Variants in PDCD1LG2 observed in about 807,000 individuals in gnomAD.
The protein encoded by PDCD1LG2 is programmed cell death 1 ligand 2, also known as B7 dendritic cell molecule.
A neutral mutation model predicts 28.2 loss-of-function variants in PDCD1LG2; 32 were observed. The ratio of observed to expected loss-of-function variants is 1.13; its 90% CI spans 0.86 to 1.52. The LOEUF (loss-of-function observed/expected upper bound fraction) is 1.52, where lower values mean the gene tolerates loss of function less well. Among genes scored for constraint, PDCD1LG2 ranks in the 40% most tolerant of loss-of-function variants. The pLI is 0.00. For synonymous variants in PDCD1LG2, 116 were observed against 120.2 expected (o/e 0.97, Z 0.23); for missense variants, 385 against 323.8 (o/e 1.19, Z -1.45).
intron 2 of PDCD1LG2, among the ~76,000 whole-genome samples, chr9:5,522,910 G>A (rs751824450): frequency 1.3e-5 from 2 of 152,150 alleles, no homozygotes. Flanking sequence ...GAGGGCAGGG[G>A]TTGAGTTCCC....
intron 4 of PDCD1LG2, among the ~76,000 whole-genome samples, chr9:5,551,324 G>A (rs1446647745): frequency 3.9e-5 from 6 of 152,182 alleles, no homozygotes; most frequent in Non-Finnish European, 7.3e-5. Context: ...TGTCTTAGCT[G>A]GTAAGACAGA....
chr9:5,530,218 G>C (rs951674946), intron 2 of PDCD1LG2, among the ~76,000 whole-genome samples: 26 of 152,252 alleles, frequency 1.7e-4, no homozygotes, highest in African/African-American at 6.0e-4. Context: ...CATCAAGCTA[G>C]GTGTTCTAAT....
At position 5,558,934 on chromosome 9, in the gene PDCD1LG2, C is replaced by T. The variant is rs1469019120; in HGVS notation, c.766+1182C>T. On this transcript the variant is annotated intron_variant, in intron 5 of 6. Coordinates refer to ENST00000397747, the MANE Select transcript of PDCD1LG2 (RefSeq NM_025239.4). ...GGAGGAGGTATGTCCAACAGAACTT[C>T]GACTTTTAAATAGAACCACTTCAGA... Among the ~76,000 whole-genome samples, 5 of 152,318 alleles carry T rather than the reference C, an allele frequency of 3.3e-5. No homozygotes were observed. The South Asian group carries it at 8.3e-4, about 25-fold the overall frequency.
At chr9:5,552,710 A>G (rs769532553) in intron 4 of PDCD1LG2, among the ~76,000 whole-genome samples, 85 of 152,180 alleles carry the variant, frequency 5.6e-4, no homozygotes, top group Admixed American at 1.4e-3. Flanking sequence ...AGAACTTTGC[A>G]GTGACTAAAT....
chr9:5,530,738 G>A (rs571289186), intron 2 of PDCD1LG2, among the ~76,000 whole-genome samples: 1 of 152,226 alleles, frequency 6.6e-6, no homozygotes, highest in Non-Finnish European at 1.5e-5. Flanking sequence ...TGATGGGCTA[G>A]CCCAGTGTCT....
chr9:5,568,429 T>C (rs935182311), intron 6 of PDCD1LG2, among the ~76,000 whole-genome samples: 3 of 152,148 alleles, frequency 2.0e-5, no homozygotes, highest in African/African-American at 7.2e-5. Context: ...GGTTGTGTGC[T>C]CCTTATGAAA....
At chr9:5,536,087 A>G (rs776510615) in intron 3 of PDCD1LG2, among the ~76,000 whole-genome samples, 2 of 152,192 alleles carry the variant, frequency 1.3e-5, no homozygotes, top group African/African-American at 2.4e-5. Context: ...CTTGGCAGAA[A>G]GTGTGTGACT....
intron 3 of PDCD1LG2, among the ~76,000 whole-genome samples, chr9:5,543,327 C>G (rs547484493): frequency 1.6e-4 from 24 of 152,182 alleles, no homozygotes; most frequent in African/African-American, 5.8e-4. Flanking sequence ...ATCACGAGGT[C>G]AGGAGATCAA....
chr9:5,548,742 C>G (rs1816261640), intron 3 of PDCD1LG2, among the ~76,000 whole-genome samples: 1 of 152,062 alleles, frequency 6.6e-6, no homozygotes. Context: ...AATAAATATA[C>G]CCAACTCTTT....
chr9:5,523,808 A>G (rs575431104), intron 2 of PDCD1LG2, among the ~76,000 whole-genome samples: 1 of 152,250 alleles, frequency 6.6e-6, no homozygotes, highest in African/African-American at 2.4e-5. Flanking sequence ...TCAGGAGAAA[A>G]CTTGGGGAAT....
intron 3 of PDCD1LG2, among the ~76,000 whole-genome samples, chr9:5,543,616 A>G (rs79370121): frequency 1.3e-5 from 2 of 151,946 alleles, no homozygotes; most frequent in Non-Finnish European, 2.9e-5. Context: ...ACAATCAAAG[A>G]GAAGCAAGGC....
At chr9:5,563,251 T>A in intron 6 of PDCD1LG2, 40 bp downstream of exon 6, 1 of 1,539,404 alleles carries the variant, frequency 6.5e-7, no homozygotes, top group African/African-American at 1.4e-5. Context: ...CTTACTTTCT[T>A]TTCTCTCTCA....
chr9:5,536,078 T>C (rs1820574937), intron 3 of PDCD1LG2, among the ~76,000 whole-genome samples: 1 of 152,160 alleles, frequency 6.6e-6, no homozygotes, highest in Non-Finnish European at 1.5e-5. Flanking sequence ...ACCATTAACC[T>C]TGGCAGAAAG....
chr9:5,536,782 A>G (rs1036908523), intron 3 of PDCD1LG2, among the ~76,000 whole-genome samples: 1 of 152,188 alleles, frequency 6.6e-6, no homozygotes, highest in African/African-American at 2.4e-5. Context: ...AAGACTTTTC[A>G]AGGGATGTAT....
intron 6 of PDCD1LG2, among the ~76,000 whole-genome samples, chr9:5,565,253 G>GCT (rs1171270827): frequency 2.0e-5 from 3 of 152,072 alleles, no homozygotes; most frequent in African/African-American, 7.2e-5. Context: ...TATGACCGTG[G>GCT]CTCACTGCAG....
intron 4 of PDCD1LG2, 112 bp downstream of exon 4, chr9:5,549,716 T>C: frequency 1.5e-6 from 2 of 1,316,212 alleles, no homozygotes; most frequent in Non-Finnish European, 2.1e-6. Context: ...TACAAAGGTG[T>C]GATCACCATT....
At chr9:5,554,942 G>C (rs994778264) in intron 4 of PDCD1LG2, among the ~76,000 whole-genome samples, 17 of 152,168 alleles carry the variant, frequency 1.1e-4, no homozygotes, top group African/African-American at 3.6e-4. Flanking sequence ...AGTTTATAGG[G>C]TTATAGTGAG....
intron 1 of PDCD1LG2, 115 bp downstream of exon 1, chr9:5,510,918 A>T (rs1351435617): frequency 6.6e-6 from 1 of 152,624 alleles, no homozygotes; most frequent in Non-Finnish European, 1.5e-5. Context: ...GAGGCAAGAG[A>T]CATTCTGCCT....
chr9:5,569,048 A>C lies in PDCD1LG2; in HGVS notation c.817-906A>C, dbSNP rs1302154875. Among the ~76,000 whole-genome samples, 2 of 152,212 alleles carry C rather than the reference A, an allele frequency of 1.3e-5. No homozygotes were observed. The highest frequency in any genetic ancestry group is 2.4e-5 in the African/African-American group (1 of 41,456). On this transcript the variant is annotated intron_variant, in intron 6 of 6. Transcript: ENST00000397747. This position sits in a 1 kb window ranked among gnomAD's most constrained non-coding sequence, Gnocchi z 4.1. Reference sequence around the variant, plus strand: ...GAGGCAGGAAGGTGTGGGAAAGTGCACGTGACCCCGTTCAGAGAGAAAGCC... The same window carrying C: ...GAGGCAGGAAGGTGTGGGAAAGTGCCCGTGACCCCGTTCAGAGAGAAAGCC...
Sources: gnomAD v4.1 joint callset for allele counts (sites outside exome capture counted in the v4.1 genomes callset) on GRCh38, gnomAD v4.1.1 for gene constraint, Gnocchi (gnomAD v3.1) non-coding constraint, MANE v1.5 for transcripts, NCBI Gene and HGNC (gene_info 2026-07-23, HGNC 2026-07-21) for gene names.